The following CCSER1 variants were observed in gnomAD, a reference collection of about 807,000 sequenced individuals.
The protein encoded by CCSER1 is coiled-coil serine rich protein 1, also known as serine-rich coiled-coil domain-containing protein 1.
In CCSER1, 41 loss-of-function variants were observed where a neutral mutation model predicts 82.0. The ratio of observed to expected loss-of-function variants is 0.50; its 90% CI spans 0.39 to 0.65. CCSER1 has a LOEUF of 0.65. Among genes scored for constraint, CCSER1 ranks in the 30% least tolerant of loss-of-function variants. CCSER1 has a pLI of 0.00. For synonymous variants in CCSER1, 414 were observed against 383.9 expected (o/e 1.08, Z -0.92); for missense variants, 1,119 against 1,064.2 (o/e 1.05, Z -0.72).
intron 10 of CCSER1, among the ~76,000 whole-genome samples, chr4:91,351,588 T>C (rs1234577713): frequency 6.6e-6 from 1 of 152,126 alleles, no homozygotes; most frequent in Non-Finnish European, 1.5e-5. Context: ...CAACATTAAA[T>C]CATGTTTTTA....
At position 90,862,962 on chromosome 4, in the gene CCSER1, A is replaced by C. The variant is rs188517283; in HGVS notation, c.2094+47117A>C. Among the ~76,000 whole-genome samples, 278 of 100,636 alleles carry C rather than the reference A, an allele frequency of 2.8e-3. 3 individuals carry two copies. Among genetic ancestry groups the C allele is most frequent in the Non-Finnish European group, 3.7e-3 (173 of 47,022 alleles). 66.0% of individuals were successfully genotyped at this position (100,636 alleles called of 152,430 possible). A position where few individuals can be genotyped will look rare whatever the true frequency, so the allele number is the denominator to read the frequency against. ...CTTTTTATTATTATTATTATTATTT[A>C]AGTTTTAGGGTACATGTGCACAATG... On this transcript the variant is annotated intron_variant, in intron 8 of 10. Coordinates refer to ENST00000509176, the MANE Select transcript of CCSER1 (RefSeq NM_001145065.2).
chr4:91,512,962 A>G (rs1759909233), intron 10 of CCSER1, among the ~76,000 whole-genome samples: 1 of 151,724 alleles, frequency 6.6e-6, no homozygotes, highest in Admixed American at 6.6e-5. Flanking sequence ...TATTTTTTTT[A>G]TCTTGCCTGA....
intron 1 of CCSER1, among the ~76,000 whole-genome samples, chr4:90,200,414 C>A (rs1737462489): frequency 6.6e-6 from 1 of 151,868 alleles, no homozygotes; most frequent in Non-Finnish European, 1.5e-5. Flanking sequence ...TTGATACCTG[C>A]AAGAGATATT....
intron 7 of CCSER1, among the ~76,000 whole-genome samples, chr4:90,768,474 A>G (rs909265283): frequency 1.3e-5 from 2 of 152,314 alleles, no homozygotes; most frequent in African/African-American, 4.8e-5. Flanking sequence ...AGATACCTAT[A>G]TAGATTTTTA....
intron 2 of CCSER1, among the ~76,000 whole-genome samples, chr4:90,310,257 A>G (rs550010608): frequency 1.3e-5 from 2 of 152,256 alleles, no homozygotes; most frequent in South Asian, 2.1e-4. Context: ...TAGTTTAAAA[A>G]AAGTGTTAGT....
At chr4:90,612,055 C>T (rs1233700688) in intron 5 of CCSER1, among the ~76,000 whole-genome samples, 1 of 151,524 alleles carries the variant, frequency 6.6e-6, no homozygotes, top group Non-Finnish European at 1.5e-5. Context: ...GTAGACATGC[C>T]AATAACAAAT....
At chr4:90,825,040 C>G (rs1760228784) in intron 8 of CCSER1, among the ~76,000 whole-genome samples, 1 of 152,044 alleles carries the variant, frequency 6.6e-6, no homozygotes. Context: ...ACTCCAGTAC[C>G]CTGATGAAGA....
At chr4:90,429,941 G>A (rs28373012) in intron 4 of CCSER1, among the ~76,000 whole-genome samples, 2,695 of 151,844 alleles carry the variant, frequency 0.018, 34 homozygotes, top group African/African-American at 0.038. Flanking sequence ...CATAATTTCA[G>A]CAGACACTAT....
chr4:90,532,085 G>A (rs887765207), intron 5 of CCSER1, among the ~76,000 whole-genome samples: 5 of 152,044 alleles, frequency 3.3e-5, no homozygotes, highest in East Asian at 1.9e-4. Flanking sequence ...GTAAGTAATA[G>A]TGCAGCAAGA....
chr4:90,782,699 T>TTC (rs1753956031), intron 7 of CCSER1, among the ~76,000 whole-genome samples: 1 of 149,404 alleles, frequency 6.7e-6, no homozygotes, highest in Non-Finnish European at 1.5e-5. Flanking sequence ...TTTTTTTTTT[T>TTC]TTGAGACAGT....
At chr4:91,377,101 AGTATTCCATG>A (rs1402182010) in intron 10 of CCSER1, among the ~76,000 whole-genome samples, 1 of 152,172 alleles carries the variant, frequency 6.6e-6, no homozygotes, top group East Asian at 1.9e-4. Flanking sequence ...ATGGCTGCAT[AGTATTCCATG>A]GTATATATGT....
intron 4 of CCSER1, among the ~76,000 whole-genome samples, chr4:90,464,576 G>T (rs758605470): frequency 2.5e-4 from 38 of 152,166 alleles, no homozygotes; most frequent in Non-Finnish European, 5.4e-4. Flanking sequence ...GCCTAAGACG[G>T]AATATTCTGC....
rs529221447 is a variant in CCSER1, at chr4:90,478,823, C to T, written c.1724+10469C>T. On this transcript the variant is annotated intron_variant, in intron 5 of 10. Transcript: ENST00000509176. ...TGGCGCAATCTCGGCTCACTGCAAC[C>T]TCCACCTCCCAGGTTCAAGCAATTC... 6.6e-5 allele frequency among the ~76,000 whole-genome samples: 10 copies of T among 151,372 alleles called. No individual in the cohort carries two copies. In the South Asian group the frequency reaches 2.1e-3, roughly 32 times the overall value.
intron 4 of CCSER1, among the ~76,000 whole-genome samples, chr4:90,412,014 C>G (rs535796085): frequency 6.6e-6 from 1 of 151,910 alleles, no homozygotes; most frequent in Non-Finnish European, 1.5e-5. Flanking sequence ...CACATGCACA[C>G]GTATGTTTAT....
chr4:90,482,104 G>A (rs1362392435), intron 5 of CCSER1, among the ~76,000 whole-genome samples: 1 of 152,184 alleles, frequency 6.6e-6, no homozygotes, highest in Admixed American at 6.5e-5. Flanking sequence ...ATTTGGGAGA[G>A]TGTGTGTGTT....
intron 8 of CCSER1, among the ~76,000 whole-genome samples, chr4:90,922,658 G>A (rs1478224790): frequency 1.3e-5 from 2 of 151,982 alleles, no homozygotes; most frequent in Non-Finnish European, 2.9e-5. Flanking sequence ...GATCAAGTGA[G>A]TACAACACTC....
intron 10 of CCSER1, among the ~76,000 whole-genome samples, chr4:91,401,544 C>G (rs1274158938): frequency 6.6e-6 from 1 of 151,766 alleles, no homozygotes; most frequent in African/African-American, 2.4e-5. Context: ...TCTATTCGTC[C>G]CCCCTCCCCC....
intron 9 of CCSER1, among the ~76,000 whole-genome samples, chr4:90,979,281 C>G (rs746685796): frequency 6.6e-6 from 1 of 151,484 alleles, no homozygotes; most frequent in African/African-American, 2.4e-5. Context: ...TTCATTCATT[C>G]AGTCATTCAT....
intron 7 of CCSER1, among the ~76,000 whole-genome samples, chr4:90,810,981 C>A (rs1462617577): frequency 6.6e-6 from 1 of 151,638 alleles, no homozygotes; most frequent in African/African-American, 2.4e-5. Flanking sequence ...TACAGGTGCC[C>A]ACCACCGCGC....
Sources: gnomAD v4.1 joint callset for allele counts (sites outside exome capture counted in the v4.1 genomes callset) on GRCh38, gnomAD v4.1.1 for gene constraint, MANE v1.5 for transcripts, NCBI Gene and HGNC (gene_info 2026-07-23, HGNC 2026-07-21) for gene names.